The following MCPH1 variants were observed in gnomAD, a reference collection of about 807,000 sequenced individuals.
The protein encoded by MCPH1 is microcephalin 1, also known as microcephalin.
A neutral mutation model predicts 84.5 loss-of-function variants in MCPH1; 104 were observed. The observed-to-expected ratio is 1.23, with a 90% CI of 1.05 to 1.45. The LOEUF is 1.45. MCPH1 is among the 40% of genes most tolerant of loss of function. The pLI is 0.00. For missense variants in MCPH1, 1,498 were observed against 1,005.7 expected (o/e 1.49, Z -6.62); for synonymous variants, 514 against 366.8 (o/e 1.40, Z -4.58).
intron 13 of MCPH1, among the ~76,000 whole-genome samples, chr8:6,636,041 A>T (rs959214546): frequency 8.5e-5 from 13 of 152,230 alleles, no homozygotes; most frequent in Non-Finnish European, 1.8e-4. Flanking sequence ...GTAGTAGCAT[A>T]TAAATTCAGA....
At chr8:6,433,650 A>AG (rs1802184678) in intron 4 of MCPH1, among the ~76,000 whole-genome samples, 1 of 151,512 alleles carries the variant, frequency 6.6e-6, no homozygotes, top group Admixed American at 6.6e-5. Flanking sequence ...AAAAAAAAAA[A>AG]AAAAACCTAT....
chr8:6,612,004 G>T (rs1830321884), intron 12 of MCPH1, among the ~76,000 whole-genome samples: 1 of 152,190 alleles, frequency 6.6e-6, no homozygotes, highest in African/African-American at 2.4e-5. Flanking sequence ...CCTTGCGGGG[G>T]TGGGGCTGAA....
chr8:6,446,947 T>C (rs1329359239), intron 8 of MCPH1: 37 of 985,232 alleles, frequency 3.8e-5, no homozygotes, highest in Non-Finnish European at 4.3e-5. Context: ...ACTAGTTGAC[T>C]CAAGGCACCC....
At chr8:6,565,142 T>C (rs1826048773) in intron 12 of MCPH1, among the ~76,000 whole-genome samples, 1 of 152,246 alleles carries the variant, frequency 6.6e-6, no homozygotes, top group South Asian at 2.1e-4. Flanking sequence ...AGCAAATGCT[T>C]CCATTCTTGG....
rs1038255534 is a variant in MCPH1 at position 6,444,246 on chromosome 8, A to G, written c.671-147A>G. 2.7e-5 allele frequency: 24 copies of G among 894,618 alleles called. No individual in the cohort carries two copies. In the African/African-American group the frequency reaches 3.5e-4, roughly 13 times the overall value. 55.4% of individuals were successfully genotyped at this position (894,618 alleles called of 1,614,324 possible). On this transcript the variant is annotated intron_variant, in intron 7 of 13. Transcript: ENST00000344683. ...AATACTGGCCTAAAATGTACCCTTA[A>G]GTGGAAATGAGAAGAACTCAAGTGT...
chr8:6,537,545 CAT>C (rs35477464), intron 12 of MCPH1, among the ~76,000 whole-genome samples: 49,460 of 148,864 alleles, frequency 0.33, 8,132 homozygotes, highest in Middle Eastern at 0.44. Context: ...TTTAATGCAA[CAT>C]ATATATATAT....
chr8:6,433,353 C>T (rs756852105), intron 4 of MCPH1, among the ~76,000 whole-genome samples: 1 of 152,164 alleles, frequency 6.6e-6, no homozygotes, highest in Non-Finnish European at 1.5e-5. Context: ...TATTTCTTGG[C>T]CAGATACAGT....
chr8:6,440,723 A>G (rs1803379196), intron 6 of MCPH1, among the ~76,000 whole-genome samples: 1 of 152,222 alleles, frequency 6.6e-6, no homozygotes, highest in Non-Finnish European at 1.5e-5. Flanking sequence ...GTGCCTTTTC[A>G]TATTACTGAC....
chr8:6,412,952 T>A (rs1798748901), intron 2 of MCPH1, among the ~76,000 whole-genome samples: 1 of 152,260 alleles, frequency 6.6e-6, no homozygotes, highest in African/African-American at 2.4e-5. Flanking sequence ...TTTTCCATTT[T>A]TCAAAGACAG....
chr8:6,597,634 G>A (rs1010143362), intron 12 of MCPH1, among the ~76,000 whole-genome samples: 2 of 152,130 alleles, frequency 1.3e-5, no homozygotes, highest in African/African-American at 4.8e-5. Flanking sequence ...GAACACGGAG[G>A]GAGGGCTCAG....
chr8:6,526,477 T>G (rs1156594061), intron 12 of MCPH1, among the ~76,000 whole-genome samples: 1 of 151,974 alleles, frequency 6.6e-6, no homozygotes, highest in Non-Finnish European at 1.5e-5. Flanking sequence ...GCAGGATTGT[T>G]ATATCTCAAT....
At chr8:6,590,899 TTTTG>T (rs1005057934) in intron 12 of MCPH1, among the ~76,000 whole-genome samples, 8 of 152,056 alleles carry the variant, frequency 5.3e-5, no homozygotes, top group South Asian at 2.1e-4. Context: ...TTGTTTTTGT[TTTTG>T]TTTGTTTGTT....
At chr8:6,529,270 T>A (rs1001347745) in intron 12 of MCPH1, among the ~76,000 whole-genome samples, 1 of 152,168 alleles carries the variant, frequency 6.6e-6, no homozygotes, top group Non-Finnish European at 1.5e-5. Context: ...CAGCCACCCA[T>A]TGTTGCTCAA....
At chr8:6,415,242 C>G (rs140697109) in intron 3 of MCPH1, among the ~76,000 whole-genome samples, 43 of 151,512 alleles carry the variant, frequency 2.8e-4, no homozygotes, top group African/African-American at 9.9e-4. Flanking sequence ...GACTTTCTCA[C>G]AACTCTGGAG....
Position 6,445,388 on chromosome 8 carries a change from G to T in MCPH1, c.1666G>T (p.Val556Phe). The part of the protein sequence containing the change: ...EGSLEEMKEA[V>F]GLKSTQNKGT... ...AAGCCTTGAAGAAATGAAAGAAGCG[G>T]TTGGTCTGAAAAGCACACAGAACAA... Residue 556 changes from valine to phenylalanine, a missense_variant, in exon 8 of 14, where the codon GTT (valine) becomes TTT (phenylalanine). By Grantham distance (50) the Val-to-Phe change is conservative (BLOSUM62 -1). Transcript: ENST00000344683. The T allele has an allele frequency of 6.2e-7, 1 of 1,614,258 alleles. No homozygotes were observed. The highest frequency in any genetic ancestry group is 8.5e-7 in the Non-Finnish European group (1 of 1,180,050).
At chr8:6,419,837 C>G (rs891546492) in intron 3 of MCPH1, among the ~76,000 whole-genome samples, 1 of 152,048 alleles carries the variant, frequency 6.6e-6, no homozygotes, top group Admixed American at 6.6e-5. Flanking sequence ...TTGTTATATT[C>G]TTCAGTTTTG....
At chr8:6,468,639 T>A (rs550662728) in intron 9 of MCPH1, among the ~76,000 whole-genome samples, 2 of 138,122 alleles carry the variant, frequency 1.4e-5, no homozygotes, top group East Asian at 4.6e-4. Flanking sequence ...GGATGTACAT[T>A]TTTTTGGTTT....
intron 12 of MCPH1, among the ~76,000 whole-genome samples, chr8:6,601,146 A>C (rs2515544): frequency 1 from 152,184 of 152,186 alleles, 76,091 homozygotes; most frequent in Non-Finnish European, 1. Context: ...GACAGAGTCC[A>C]TAGACCTCCC....
rs531181247 is a variant in MCPH1 at position 6,553,944 on chromosome 8, G to C, written c.2214+54015G>C. 1.8e-4 allele frequency among the ~76,000 whole-genome samples: 28 copies of C among 152,164 alleles called. No homozygotes were observed. The East Asian group carries it at 5.2e-3, about 28-fold the overall frequency. On this transcript the variant is annotated intron_variant, in intron 12 of 13. Coordinates refer to ENST00000344683, the MANE Select transcript of MCPH1 (RefSeq NM_024596.5). ...AGATATGGTTTGGGCAGACAAAATA[G>C]AAATCTTCTGTGTGTAGCATGTCCA... is the stretch of plus-strand genomic sequence containing the variant.
Sources: allele counts gnomAD v4.1 joint callset (sites outside exome capture counted in the v4.1 genomes callset), GRCh38; gene constraint gnomAD v4.1.1; transcripts MANE v1.5; gene names NCBI Gene and HGNC (gene_info 2026-07-23, HGNC 2026-07-21).